The following PDZRN4 variants were observed in gnomAD, a reference collection of about 807,000 sequenced individuals.
PDZRN4 encodes PDZ domain containing ring finger 4.
PDZRN4 carries 70 observed loss-of-function variants against 99.0 expected under a neutral mutation model. The ratio of observed to expected loss-of-function variants is 0.71; its 90% CI spans 0.58 to 0.86. PDZRN4 has a LOEUF of 0.86. Among genes scored for constraint, PDZRN4 ranks in the 40% least tolerant of loss-of-function variants. The probability of loss-of-function intolerance (pLI) is 0.00; values close to 1 mark genes in which losing one functional copy is unlikely to be tolerated. For missense variants in PDZRN4, 1,474 were observed against 1,331.2 expected, an observed-to-expected ratio of 1.11 and a Z score of -1.67; for synonymous variants, 551 against 501.6, an observed-to-expected ratio of 1.10 and a Z score of -1.32.
chr12:41,388,388 TAA>T (rs35649287), intron 3 of PDZRN4, among the ~76,000 whole-genome samples: 9,949 of 147,814 alleles, frequency 0.067, 813 homozygotes, highest in East Asian at 0.19. Context: ...AATAAAAGAT[TAA>T]AAAAAAAAAA....
intron 3 of PDZRN4, among the ~76,000 whole-genome samples, chr12:41,445,175 G>A (rs933771735): frequency 2.0e-5 from 3 of 151,986 alleles, no homozygotes; most frequent in Non-Finnish European, 4.4e-5. Flanking sequence ...ACACAAGGGA[G>A]GCACGTTACT....
intron 3 of PDZRN4, among the ~76,000 whole-genome samples, chr12:41,313,127 G>A (rs1245132077): frequency 6.6e-6 from 1 of 151,998 alleles, no homozygotes; most frequent in Non-Finnish European, 1.5e-5. Flanking sequence ...TTATCCTATT[G>A]ATTTAGAACC....
chr12:41,222,826 A>C (rs866111487), intron 3 of PDZRN4, among the ~76,000 whole-genome samples: 1 of 152,162 alleles, frequency 6.6e-6, no homozygotes, highest in Admixed American at 6.6e-5. Flanking sequence ...CACCCAGCCT[A>C]TAATGGATTA....
intron 3 of PDZRN4, among the ~76,000 whole-genome samples, chr12:41,372,633 A>C (rs1952049956): frequency 6.6e-6 from 1 of 152,168 alleles, no homozygotes; most frequent in Non-Finnish European, 1.5e-5. Context: ...AATGGTAATA[A>C]AGGCATTTGC....
intron 3 of PDZRN4, among the ~76,000 whole-genome samples, chr12:41,464,260 T>C (rs1448029859): frequency 6.6e-6 from 1 of 151,414 alleles, no homozygotes; most frequent in Non-Finnish European, 1.5e-5. Context: ...CCAAGAGAAT[T>C]AGCCCAGTTC....
At chr12:41,216,089 C>A (rs1310680983) in intron 3 of PDZRN4, among the ~76,000 whole-genome samples, 1 of 151,852 alleles carries the variant, frequency 6.6e-6, no homozygotes, top group Non-Finnish European at 1.5e-5. Context: ...TACTAGTTAG[C>A]AAATTTAATT....
At chr12:41,493,011 G>C (rs751982297) in intron 3 of PDZRN4, among the ~76,000 whole-genome samples, 2 of 152,092 alleles carry the variant, frequency 1.3e-5, no homozygotes, top group East Asian at 3.9e-4. Context: ...ACAGCCAAAG[G>C]CTGCTTTGAT....
At chr12:41,364,971 C>G (rs1951987420) in intron 3 of PDZRN4, among the ~76,000 whole-genome samples, 1 of 151,178 alleles carries the variant, frequency 6.6e-6, no homozygotes, top group Admixed American at 6.6e-5. Flanking sequence ...CTAAATTATA[C>G]AAATGTAGTT....
chr12:41,352,571 A>C (rs1027268240), intron 3 of PDZRN4, among the ~76,000 whole-genome samples: 6 of 152,154 alleles, frequency 3.9e-5, no homozygotes, highest in Non-Finnish European at 8.8e-5. Context: ...ATTATATGAG[A>C]GTTCAATTAT....
At chr12:41,347,321 T>G (rs762045440) in intron 3 of PDZRN4, among the ~76,000 whole-genome samples, 1 of 152,178 alleles carries the variant, frequency 6.6e-6, no homozygotes, top group Non-Finnish European at 1.5e-5. Context: ...CTATTGTGTT[T>G]TTTATTATAG....
intron 3 of PDZRN4, among the ~76,000 whole-genome samples, chr12:41,369,139 T>A (rs923715745): frequency 1.3e-5 from 2 of 152,268 alleles, no homozygotes; most frequent in East Asian, 3.9e-4. Flanking sequence ...TATTGAGTAA[T>A]CTAATGACCC....
intron 3 of PDZRN4, among the ~76,000 whole-genome samples, chr12:41,272,961 T>A (rs1951325098): frequency 6.6e-6 from 1 of 151,888 alleles, no homozygotes; most frequent in Non-Finnish European, 1.5e-5. Context: ...ATCAAAATAT[T>A]TAGGAGGAAA....
chr12:41,502,480 TA>T (rs917906566), intron 3 of PDZRN4, among the ~76,000 whole-genome samples: 13 of 152,112 alleles, frequency 8.5e-5, no homozygotes, highest in Admixed American at 8.5e-4. Flanking sequence ...AACACATGGG[TA>T]TTTTTTTCAG....
rs190715286 is a variant in PDZRN4, at chr12:41,557,078, G to A, written c.1365+1318G>A. ...AGGCAGGAGAATCGCTTGAACCCGG[G>A]AGACAGAGGTTGCAGTGAGCCGAGA... On this transcript the variant is annotated intron_variant, in intron 7 of 9. Coordinates refer to ENST00000402685, the MANE Select transcript of PDZRN4 (RefSeq NM_001164595.2). Among the ~76,000 whole-genome samples the A allele has an allele frequency of 6.2e-3, 915 of 146,782 alleles. 9 individuals are homozygous for A. Among genetic ancestry groups the A allele is most frequent in the African/African-American group, 0.021 (848 of 39,650 alleles).
At chr12:41,554,562 A>G (rs920094893) in intron 6 of PDZRN4, among the ~76,000 whole-genome samples, 4 of 151,996 alleles carry the variant, frequency 2.6e-5, no homozygotes, top group Admixed American at 6.6e-5. Flanking sequence ...CACTTGAAAC[A>G]GTTTGCTTAA....
At chr12:41,247,043 G>A (rs572602137) in intron 3 of PDZRN4, among the ~76,000 whole-genome samples, 1 of 150,616 alleles carries the variant, frequency 6.6e-6, no homozygotes, top group Non-Finnish European at 1.5e-5. Context: ...CAAATATATT[G>A]AGATCCAATA....
chr12:41,457,082 A>G (rs1592066842), intron 3 of PDZRN4, among the ~76,000 whole-genome samples: 1 of 152,108 alleles, frequency 6.6e-6, no homozygotes, highest in African/African-American at 2.4e-5. Context: ...AGATTTTCTT[A>G]TACTCCTTAC....
At chr12:41,536,091 A>G (rs1938744339) in intron 5 of PDZRN4, among the ~76,000 whole-genome samples, 2 of 152,184 alleles carry the variant, frequency 1.3e-5, no homozygotes, top group South Asian at 4.1e-4. Flanking sequence ...GCCCTATGAA[A>G]CTGTCAACAT....
At chr12:41,217,009 C>G (rs576124370) in intron 3 of PDZRN4, among the ~76,000 whole-genome samples, 7 of 152,200 alleles carry the variant, frequency 4.6e-5, no homozygotes, top group African/African-American at 1.7e-4. Context: ...CTTCTCAAAA[C>G]AAATAGGTGG....
Sources: gnomAD v4.1 joint callset for allele counts (sites outside exome capture counted in the v4.1 genomes callset) on GRCh38, gnomAD v4.1.1 for gene constraint, MANE v1.5 for transcripts, NCBI Gene and HGNC (gene_info 2026-07-23, HGNC 2026-07-21) for gene names.